FAR1: variants seen among roughly 807,000 people sequenced by gnomAD.
The protein encoded by FAR1 is male sterility domain-containing protein 2.
Under a neutral mutation model 61.1 loss-of-function variants are expected in FAR1, and 22 were observed. The observed-to-expected ratio is 0.36, with a 90% confidence interval of 0.26 to 0.51. FAR1 has a LOEUF of 0.51. Among genes scored for constraint, FAR1 ranks in the 20% least tolerant of loss-of-function variants. FAR1 has a pLI of 0.95. For missense variants in FAR1, 359 were observed against 626.9 expected (o/e 0.57, Z 4.56); for synonymous variants, 206 against 209.7 (o/e 0.98, Z 0.15).
At chr11:13,687,211 T>C (rs1001629618) in intron 1 of FAR1, among the ~76,000 whole-genome samples, 7 of 152,242 alleles carry the variant, frequency 4.6e-5, no homozygotes, top group Admixed American at 4.6e-4. Context: ...CTCAGCATTT[T>C]GCTGATCTTC....
At chr11:13,671,342 G>T (rs1419755441) in intron 1 of FAR1, among the ~76,000 whole-genome samples, 2 of 152,210 alleles carry the variant, frequency 1.3e-5, no homozygotes, top group Non-Finnish European at 2.9e-5. Flanking sequence ...AAGGATGATT[G>T]AAGATTCGAA....
intron 1 of FAR1, among the ~76,000 whole-genome samples, chr11:13,678,077 C>G (rs777854226): frequency 3.9e-5 from 6 of 152,228 alleles, no homozygotes; most frequent in Non-Finnish European, 7.3e-5. Context: ...TTGAAAGTTA[C>G]GGACTTCTAC....
At chr11:13,688,166 C>G (rs968796324) in intron 1 of FAR1, among the ~76,000 whole-genome samples, 5 of 151,008 alleles carry the variant, frequency 3.3e-5, no homozygotes, top group African/African-American at 9.8e-5. Context: ...AAATGAGTCT[C>G]TTGTTGGCAG....
intron 1 of FAR1, among the ~76,000 whole-genome samples, chr11:13,690,743 C>G (rs755428126): frequency 6.6e-6 from 1 of 151,804 alleles, no homozygotes; most frequent in Non-Finnish European, 1.5e-5. Flanking sequence ...ATTTTAAAGT[C>G]TCAGTTTCCA....
intron 9 of FAR1, among the ~76,000 whole-genome samples, chr11:13,717,805 C>T (rs1172195427): frequency 6.6e-6 from 1 of 152,152 alleles, no homozygotes; most frequent in Non-Finnish European, 1.5e-5. Flanking sequence ...CCCAGTAAAA[C>T]TTTATTTACA....
intron 2 of FAR1, among the ~76,000 whole-genome samples, chr11:13,697,328 G>T (rs1203815956): frequency 2.6e-5 from 4 of 152,030 alleles, no homozygotes; most frequent in Non-Finnish European, 4.4e-5. Context: ...CGGGCGTGGT[G>T]GTGCATGCCT....
At chr11:13,681,245 A>G (rs991281554) in intron 1 of FAR1, among the ~76,000 whole-genome samples, 9 of 152,224 alleles carry the variant, frequency 5.9e-5, no homozygotes, top group African/African-American at 1.7e-4. Context: ...GAGTGGCTAA[A>G]AAAAACAGTA....
chr11:13,702,864 T>A (rs1428766682), intron 3 of FAR1, among the ~76,000 whole-genome samples: 2 of 152,146 alleles, frequency 1.3e-5, no homozygotes, highest in African/African-American at 2.4e-5. Context: ...TCAGGGAACT[T>A]TCTTTCTGTC....
At chr11:13,711,713 A>C in intron 5 of FAR1, 51 bp from the exon 6 acceptor site, 3 of 1,321,200 alleles carry the variant, frequency 2.3e-6, no homozygotes, top group Non-Finnish European at 3.2e-6. Flanking sequence ...ATAAATCTCT[A>C]GCTTCATAAT....
intron 4 of FAR1, among the ~76,000 whole-genome samples, chr11:13,708,979 TCAAA>T (rs1434124658): frequency 1.3e-5 from 2 of 152,200 alleles, no homozygotes; most frequent in Non-Finnish European, 2.9e-5. Flanking sequence ...GGCTTTCTCA[TCAAA>T]CAGACAAGGT....
chr11:13,685,924 G>A (rs1316893534), intron 1 of FAR1, among the ~76,000 whole-genome samples: 2 of 152,160 alleles, frequency 1.3e-5, no homozygotes, highest in Non-Finnish European at 2.9e-5. Context: ...CCTGTCGTGA[G>A]TCATACAACT....
At chr11:13,693,019 T>G (rs928781578) in intron 1 of FAR1, among the ~76,000 whole-genome samples, 2 of 152,180 alleles carry the variant, frequency 1.3e-5, no homozygotes, top group African/African-American at 4.8e-5. Flanking sequence ...CCTCTAGTTT[T>G]TTGAGGTCTG....
intron 9 of FAR1, chr11:13,720,530 A>T (rs1029657267): frequency 1.3e-5 from 2 of 152,082 alleles, no homozygotes; most frequent in Non-Finnish European, 2.9e-5. Flanking sequence ...TGGATGAAAT[A>T]TAGTTTTTTT....
At chr11:13,693,055 A>G (rs1848267603) in intron 1 of FAR1, among the ~76,000 whole-genome samples, 1 of 152,114 alleles carries the variant, frequency 6.6e-6, no homozygotes, top group South Asian at 2.1e-4. Flanking sequence ...TTTTCCACAG[A>G]TGGTATGATT....
intron 1 of FAR1, among the ~76,000 whole-genome samples, chr11:13,687,852 G>T (rs1410990938): frequency 6.8e-6 from 1 of 147,004 alleles, no homozygotes; most frequent in Non-Finnish European, 1.5e-5. Flanking sequence ...CTATCGCAAG[G>T]ACAAAAAACC....
intron 5 of FAR1, among the ~76,000 whole-genome samples, chr11:13,711,355 A>G (rs1848496980): frequency 6.6e-6 from 1 of 152,022 alleles, no homozygotes; most frequent in Non-Finnish European, 1.5e-5. Flanking sequence ...TGCTTTGACA[A>G]TTATTCTATT....
At chr11:13,688,717 A>G (rs903738716) in intron 1 of FAR1, among the ~76,000 whole-genome samples, 6 of 152,208 alleles carry the variant, frequency 3.9e-5, no homozygotes, top group South Asian at 4.1e-4. Context: ...ATACTATTTA[A>G]TATATATTGA....
At chr11:13,688,333 A>G (rs1591258711) in intron 1 of FAR1, among the ~76,000 whole-genome samples, 3 of 152,262 alleles carry the variant, frequency 2.0e-5, no homozygotes, top group African/African-American at 7.2e-5. Flanking sequence ...GCTTCATTCT[A>G]CAACTCTCTT....
chr11:13,725,105 TTTGAG>T (rs1331564554), intron 10 of FAR1, among the ~76,000 whole-genome samples: 7 of 152,200 alleles, frequency 4.6e-5, no homozygotes, highest in Non-Finnish European at 2.9e-5. Context: ...TTGATAGACA[TTTGAG>T]TTATTTCCAG....
Sources: gnomAD v4.1 joint callset for allele counts (sites outside exome capture counted in the v4.1 genomes callset) on GRCh38, gnomAD v4.1.1 for gene constraint, MANE v1.5 for transcripts, NCBI Gene and HGNC (gene_info 2026-07-23, HGNC 2026-07-21) for gene names.